Variants in GK5 observed in about 807,000 individuals in gnomAD.
The protein encoded by GK5 is glycerol kinase 5.
Under a neutral mutation model 77.3 loss-of-function variants are expected in GK5, and 39 were observed. The observed-to-expected ratio is 0.50, with a 90% CI of 0.39 to 0.66. The LOEUF is 0.66. GK5 is among the 30% of genes least tolerant of loss of function. The probability of loss-of-function intolerance (pLI) is 0.00; values close to 1 mark genes in which losing one functional copy is unlikely to be tolerated. For missense variants in GK5, 487 were observed against 633.8 expected (o/e 0.77, Z 2.49); for synonymous variants, 211 against 208.0 (o/e 1.01, Z -0.13).
intron 11 of GK5, among the ~76,000 whole-genome samples, chr3:142,178,906 C>T (rs914227540): frequency 2.6e-5 from 4 of 152,194 alleles, no homozygotes; most frequent in African/African-American, 9.6e-5. Context: ...CACGAGAGTT[C>T]GTCACCTATC....
chr3:142,225,528 C>A lies in GK5; in HGVS notation c.-73G>T, dbSNP rs909724059. On this transcript the variant is annotated 5_prime_UTR_variant, in exon 1 of 16. Transcript: ENST00000392993. ...GCTACAAATCCCAATGCTCCAGAGT[C>A]CCCGGGCGGCCCAACCCGGGCCCCA... 2.6e-4 allele frequency: 397 copies of A among 1,521,548 alleles called. No homozygotes were observed. Among genetic ancestry groups the A allele is most frequent in the Non-Finnish European group, 3.3e-4 (377 of 1,139,320 alleles). The allele number at this position is 1,521,548 out of a possible 1,614,324, so 94.3% of individuals were successfully genotyped here.
intron 1 of GK5, among the ~76,000 whole-genome samples, chr3:142,220,605 G>A (rs1272576442): frequency 2.0e-5 from 3 of 152,152 alleles, no homozygotes; most frequent in African/African-American, 7.2e-5. Flanking sequence ...TATAAGACCA[G>A]AGTCAGGTCA....
rs912564414 is a variant in GK5, at chr3:142,171,931, T to C, written c.1247+422A>G. On this transcript the variant is annotated intron_variant, in intron 13 of 15. Coordinates refer to ENST00000392993, the MANE Select transcript of GK5 (RefSeq NM_001039547.3). ...ACAGCATCATTCTTAATTTTAATAA[T>C]TAACACCTGTCTCATAACAAAAAGA... Among the ~76,000 whole-genome samples the C allele has an allele frequency of 2.0e-5, 3 of 152,148 alleles. No homozygotes were observed. The East Asian group carries it at 5.8e-4, about 29-fold the overall frequency.
chr3:142,187,282 T>C (rs2063786017), intron 6 of GK5, among the ~76,000 whole-genome samples: 1 of 151,800 alleles, frequency 6.6e-6, no homozygotes, highest in African/African-American at 2.4e-5. Flanking sequence ...AAGAGCAGTA[T>C]GTCTGGAGTA....
chr3:142,183,755 T>C (rs1009288858), intron 9 of GK5, among the ~76,000 whole-genome samples: 4 of 151,044 alleles, frequency 2.6e-5, no homozygotes, highest in Non-Finnish European at 5.9e-5. Flanking sequence ...CCACTGCACC[T>C]GGCCATTTCT....
In GK5 at chr3:142,157,833, A is replaced by G. The variant is rs1254567584; in HGVS notation, c.*7789T>C. The G allele has an allele frequency of 6.6e-6, 1 of 152,220 alleles. No individual in the cohort carries two copies. Among genetic ancestry groups the G allele is most frequent in the African/African-American group, 2.4e-5 (1 of 41,468 alleles). The allele number at this position is 152,220 out of a possible 1,614,324, so 9.4% of individuals were successfully genotyped here. On this transcript the variant is annotated 3_prime_UTR_variant, in exon 16 of 16. Coordinates refer to ENST00000392993, the MANE Select transcript of GK5 (RefSeq NM_001039547.3). ...CTAATAAGCCTAAATAGGATCTAAA[A>G]AGGCAAGTTACCTAAAACCCTTCTT...
chr3:142,176,135 C>T (rs942287698), intron 12 of GK5, among the ~76,000 whole-genome samples: 2 of 152,006 alleles, frequency 1.3e-5, no homozygotes, highest in Non-Finnish European at 2.9e-5. Context: ...AATCAATTCA[C>T]AAGCTCTCGG....
At chr3:142,169,299 A>G (rs1351729864) in intron 15 of GK5, among the ~76,000 whole-genome samples, 1 of 152,188 alleles carries the variant, frequency 6.6e-6, no homozygotes, top group Non-Finnish European at 1.5e-5. Context: ...CAACTTTTGG[A>G]CTTCCATGGT....
chr3:142,159,970 C>T lies in GK5; in HGVS notation c.*5652G>A, dbSNP rs2063413722. The T allele has an allele frequency of 1.3e-5, 2 of 152,174 alleles. No homozygotes were observed. Among genetic ancestry groups the T allele is most frequent in the African/African-American group, 4.8e-5 (2 of 41,374 alleles). The allele number at this position is 152,174 out of a possible 1,614,324, so 9.4% of individuals were successfully genotyped here. On this transcript the variant is annotated 3_prime_UTR_variant, in exon 16 of 16. Coordinates refer to ENST00000392993, the MANE Select transcript of GK5 (RefSeq NM_001039547.3). ...TCAAGCAATTCTCCTGTCTCAGCCT[C>T]CCAAGTCGCTGGGACCACAGGCACA...
chr3:142,196,174 C>A (rs2063930160), intron 5 of GK5, among the ~76,000 whole-genome samples: 1 of 152,046 alleles, frequency 6.6e-6, no homozygotes, highest in Non-Finnish European at 1.5e-5. Context: ...GTATTAATAT[C>A]CATAATTTCA....
rs2063748554 is a variant in GK5 at position 142,184,959 on chromosome 3, C to T, written c.816+970G>A. The T allele has an allele frequency of 9.1e-6, 9 of 985,332 alleles. No homozygotes were observed. The South Asian group carries it at 4.2e-4, about 46-fold the overall frequency. The allele number at this position is 985,332 out of a possible 1,614,324, so 61.0% of individuals were successfully genotyped here. A position where few individuals can be genotyped will look rare whatever the true frequency, so the allele number is the denominator to read the frequency against. ...TATGCCTAGATTGAATAAGACCGAT[C>T]CTCTCTAAATGATAATGATTTTGTA... On this transcript the variant is annotated intron_variant, in intron 9 of 15. Coordinates refer to ENST00000392993, the MANE Select transcript of GK5 (RefSeq NM_001039547.3).
At chr3:142,190,846 GAA>G (rs1347893545) in intron 5 of GK5, among the ~76,000 whole-genome samples, 1 of 151,286 alleles carries the variant, frequency 6.6e-6, no homozygotes, top group Admixed American at 6.6e-5. Flanking sequence ...CAATGAAAAA[GAA>G]AAAAAGTGTT....
At chr3:142,166,604 G>A (rs1418613920) in intron 15 of GK5, among the ~76,000 whole-genome samples, 1 of 152,026 alleles carries the variant, frequency 6.6e-6, no homozygotes, top group Non-Finnish European at 1.5e-5. Context: ...TGCGATCTCA[G>A]CTCACTGCAA....
At position 142,158,527 on chromosome 3, in the gene GK5, T is replaced by C. The variant is rs1382984558; in HGVS notation, c.*7095A>G. The C allele has an allele frequency of 6.6e-6, 1 of 152,646 alleles. No individual in the cohort carries two copies. Among genetic ancestry groups the C allele is most frequent in the African/African-American group, 2.4e-5 (1 of 41,438 alleles). 9.5% of individuals were successfully genotyped at this position (152,646 alleles called of 1,614,324 possible). On this transcript the variant is annotated 3_prime_UTR_variant, in exon 16 of 16. Coordinates refer to ENST00000392993, the MANE Select transcript of GK5 (RefSeq NM_001039547.3). The stretch of plus-strand genomic sequence containing the variant: ...AAAAATATTCTATTACTGTGGATCC[T>C]TGATTTTTTGTATAGATCTTAACAA...
intron 3 of GK5, among the ~76,000 whole-genome samples, chr3:142,206,902 CTA>C (rs1207230609): frequency 6.6e-6 from 1 of 152,198 alleles, no homozygotes; most frequent in African/African-American, 2.4e-5. Context: ...CAGCACCAAC[CTA>C]TGATTGCTAC....
intron 3 of GK5, among the ~76,000 whole-genome samples, chr3:142,206,484 T>C (rs977904102): frequency 6.6e-6 from 1 of 152,214 alleles, no homozygotes; most frequent in Non-Finnish European, 1.5e-5. Context: ...TATCTCATTA[T>C]GGTTTTAATT....
intron 5 of GK5, among the ~76,000 whole-genome samples, chr3:142,195,507 C>A (rs140987219): frequency 3.0e-4 from 46 of 152,178 alleles, no homozygotes; most frequent in Non-Finnish European, 5.1e-4. Flanking sequence ...CTATACCCAG[C>A]TAATTTTTTA....
intron 4 of GK5, among the ~76,000 whole-genome samples, chr3:142,200,092 T>C (rs2063995359): frequency 6.8e-6 from 1 of 146,400 alleles, no homozygotes; most frequent in Admixed American, 6.7e-5. Flanking sequence ...TATTTCTATA[T>C]ATATATACAC....
chr3:142,186,452 C>A lies in GK5; in HGVS notation c.681G>T (p.Lys227Asn). The change falls in exon 7 of 16, where the codon AAG becomes AAT. Residue 227 changes from lysine (K) to asparagine (N), a missense_variant and splice_region_variant. By Grantham distance (94) the Lys-to-Asn change is moderately conservative. Coordinates refer to ENST00000392993, the MANE Select transcript of GK5 (RefSeq NM_001039547.3). ...ASTTGLFDPY[K>N]MCWSGMITSL... is the part of the protein sequence containing the mutation. ...AAAAAGAAGAAAAAAAAATTTTTAC[C>A]TTATATGGGTCAAAAAGTCCAGTTG... is the stretch of plus-strand genomic sequence containing the variant. 6.5e-7 allele frequency: 1 copy of A among 1,535,108 alleles called. No individual in the cohort carries two copies. Among genetic ancestry groups the A allele is most frequent in the South Asian group, 1.3e-5 (1 of 79,730 alleles).
Sources: allele counts gnomAD v4.1 joint callset (sites outside exome capture counted in the v4.1 genomes callset), GRCh38; gene constraint gnomAD v4.1.1; transcripts MANE v1.5; gene names NCBI Gene and HGNC (gene_info 2026-07-23, HGNC 2026-07-21).